HACD1: variants seen among roughly 807,000 people sequenced by gnomAD.
The protein encoded by HACD1 is 3-hydroxyacyl-CoA dehydratase 1.
Under a neutral mutation model 32.0 loss-of-function variants are expected in HACD1, and 41 were observed. The observed-to-expected ratio is 1.28, with a 90% CI of 1.00 to 1.66. HACD1 has a LOEUF of 1.66. Among genes scored for constraint, HACD1 ranks in the 40% most tolerant of loss-of-function variants. The pLI, the probability that HACD1 is intolerant of heterozygous loss-of-function variation, is 0.00. For missense variants in HACD1, 396 were observed against 380.1 expected (o/e 1.04, Z -0.35); for synonymous variants, 142 against 139.0 (o/e 1.02, Z -0.15).
intron 1 of HACD1, among the ~76,000 whole-genome samples, chr10:17,612,105 CAA>C (rs34058469): frequency 0.59 from 62,155 of 105,112 alleles, 14,764 homozygotes; most frequent in Middle Eastern, 0.67. Flanking sequence ...AACTCCATCT[CAA>C]AAAAAAAAAA....
At chr10:17,602,875 A>G (rs1380144590) in intron 4 of HACD1, 1 of 152,048 alleles carries the variant, frequency 6.6e-6, no homozygotes, top group Non-Finnish European at 1.5e-5. Flanking sequence ...GTAATACTCA[A>G]TGCTAAATAA....
In HACD1 at chr10:17,617,217, C is replaced by T. The variant is rs1554818260; in HGVS notation, c.123G>A (p.Ala41=). ...CGTTGGTGCCGTCCTCGTCGCTGGA[C>T]GCCATGGTGGCCGCGCACCTGGGGG... ...PTSPRCAATM[A]SSDEDGTNGG... The change falls in exon 1 of 7, where the codon GCG becomes GCA. Residue 41 remains alanine, a synonymous_variant. Coordinates refer to ENST00000361271, the MANE Select transcript of HACD1 (RefSeq NM_014241.4). 3 of 1,493,520 alleles carry T rather than the reference C, an allele frequency of 2.0e-6. No homozygotes were observed. Among genetic ancestry groups the T allele is most frequent in the Admixed American group, 2.2e-5 (1 of 46,494 alleles). 92.5% of individuals were successfully genotyped at this position (1,493,520 alleles called of 1,614,324 possible).
chr10:17,602,288 G>A (rs576972748), intron 4 of HACD1, among the ~76,000 whole-genome samples: 6 of 151,994 alleles, frequency 3.9e-5, no homozygotes, highest in Admixed American at 1.3e-4. Flanking sequence ...CAGGCTGGTC[G>A]CGAACTCCTG....
At chr10:17,605,617 C>A (rs547216029) in intron 1 of HACD1, among the ~76,000 whole-genome samples, 1 of 150,986 alleles carries the variant, frequency 6.6e-6, no homozygotes, top group African/African-American at 2.4e-5. Flanking sequence ...GATAGAAGAT[C>A]AGCCATGGGC....
At chr10:17,609,160 T>C (rs1554817276) in intron 1 of HACD1, among the ~76,000 whole-genome samples, 2 of 150,454 alleles carry the variant, frequency 1.3e-5, no homozygotes, top group African/African-American at 4.9e-5. Flanking sequence ...AAAAGGTTTT[T>C]TTTTTTTTTT....
chr10:17,607,668 G>A (rs969571580), intron 1 of HACD1, among the ~76,000 whole-genome samples: 2 of 152,106 alleles, frequency 1.3e-5, no homozygotes, highest in East Asian at 1.9e-4. Flanking sequence ...ATTATAACAA[G>A]TTCTACTGTT....
chr10:17,605,173 G>T (rs1834127949), intron 1 of HACD1, among the ~76,000 whole-genome samples: 1 of 152,072 alleles, frequency 6.6e-6, no homozygotes, highest in South Asian at 2.1e-4. Flanking sequence ...GAGACAGAAG[G>T]AAGTAATGGT....
At chr10:17,608,742 C>G (rs1331622589) in intron 1 of HACD1, among the ~76,000 whole-genome samples, 1 of 152,206 alleles carries the variant, frequency 6.6e-6, no homozygotes, top group Non-Finnish European at 1.5e-5. Flanking sequence ...CTGCCTCAGC[C>G]TCCCAAAGTA....
At chr10:17,600,429 T>C (rs1341500152) in intron 4 of HACD1, among the ~76,000 whole-genome samples, 1 of 152,112 alleles carries the variant, frequency 6.6e-6, no homozygotes, top group African/African-American at 2.4e-5. Context: ...AACCTCCACG[T>C]CCTAGGTTCA....
At chr10:17,593,892 G>A (rs373049294) in intron 6 of HACD1, among the ~76,000 whole-genome samples, 1 of 152,194 alleles carries the variant, frequency 6.6e-6, no homozygotes. Flanking sequence ...TGTAAAAAGT[G>A]CACTAATGCT....
intron 6 of HACD1, among the ~76,000 whole-genome samples, chr10:17,591,510 T>C (rs1451567590): frequency 6.6e-6 from 1 of 152,238 alleles, no homozygotes; most frequent in Middle Eastern, 3.2e-3. Flanking sequence ...TAATCCATTA[T>C]ATAATAACAC....
intron 5 of HACD1, 21 bp downstream of exon 5, chr10:17,599,269 T>TAAACTGC: frequency 6.2e-7 from 1 of 1,613,076 alleles, no homozygotes; most frequent in Admixed American, 1.7e-5. Context: ...AAGGAGAAAC[T>TAAACTGC]AAACTGCAAG....
intron 6 of HACD1, among the ~76,000 whole-genome samples, chr10:17,591,598 T>C (rs996695097): frequency 2.0e-5 from 3 of 152,226 alleles, no homozygotes; most frequent in Non-Finnish European, 4.4e-5. Context: ...TTGAACCAAT[T>C]TGAACCAGTG....
At chr10:17,602,735 C>T (rs564693258) in intron 4 of HACD1, among the ~76,000 whole-genome samples, 14 of 152,082 alleles carry the variant, frequency 9.2e-5, no homozygotes, top group South Asian at 6.2e-4. Context: ...ATAGTCACTA[C>T]GTTGCATAAT....
intron 1 of HACD1, among the ~76,000 whole-genome samples, chr10:17,613,630 A>G (rs782776526): frequency 1.3e-5 from 2 of 152,194 alleles, no homozygotes; most frequent in Non-Finnish European, 2.9e-5. Context: ...TTCCATTTCA[A>G]TATCCCTTAT....
At chr10:17,612,760 A>T (rs1310278453) in intron 1 of HACD1, among the ~76,000 whole-genome samples, 4 of 152,058 alleles carry the variant, frequency 2.6e-5, no homozygotes, top group Admixed American at 6.6e-5. Context: ...ATCTACTAAA[A>T]ATCCAAAAAA....
chr10:17,607,110 T>C lies in HACD1; in HGVS notation c.258-3063A>G, dbSNP rs111336832. Among the ~76,000 whole-genome samples the C allele has an allele frequency of 6.6e-3, 1,012 of 152,302 alleles. 11 individuals carry two copies. Among genetic ancestry groups the C allele is most frequent in the African/African-American group, 0.023 (957 of 41,556 alleles). On this transcript the variant is annotated intron_variant, in intron 1 of 6. Coordinates refer to ENST00000361271, the MANE Select transcript of HACD1 (RefSeq NM_014241.4). ...TTAAAGTTATATGGAGAGTCTATGC[T>C]CAAATATTTTAATTGATAGTAGCAT...
chr10:17,593,364 G>A (rs1270772158), intron 6 of HACD1, among the ~76,000 whole-genome samples: 2 of 151,172 alleles, frequency 1.3e-5, no homozygotes, highest in Non-Finnish European at 2.9e-5. Flanking sequence ...TGCCCAGGCT[G>A]GAATGCAATG....
intron 1 of HACD1, among the ~76,000 whole-genome samples, chr10:17,616,163 G>T (rs1277204279): frequency 6.6e-6 from 1 of 152,066 alleles, no homozygotes; most frequent in Non-Finnish European, 1.5e-5. Flanking sequence ...CAGCTACTCG[G>T]GAGGCTGAGG....
Sources: gnomAD v4.1 joint callset for allele counts (sites outside exome capture counted in the v4.1 genomes callset) on GRCh38, gnomAD v4.1.1 for gene constraint, MANE v1.5 for transcripts, NCBI Gene and HGNC (gene_info 2026-07-23, HGNC 2026-07-21) for gene names.